The following FAM227A variants were observed in gnomAD, a reference collection of about 807,000 sequenced individuals.
The protein encoded by FAM227A is protein FAM227A.
Under a neutral mutation model 74.7 loss-of-function variants are expected in FAM227A, and 80 were observed. The observed-to-expected ratio is 1.07, with a 90% CI of 0.89 to 1.29. The LOEUF (loss-of-function observed/expected upper bound fraction) is 1.29. Among genes scored for constraint, FAM227A ranks in the 50% most tolerant of loss-of-function variants. The pLI is 0.00. For missense variants in FAM227A, 654 were observed against 683.4 expected, an observed-to-expected ratio of 0.96 and a Z score of 0.48; for synonymous variants, 237 against 241.8, an observed-to-expected ratio of 0.98 and a Z score of 0.19.
chr22:38,609,226 C>G (rs116756375), intron 11 of FAM227A, among the ~76,000 whole-genome samples: 1 of 152,188 alleles, frequency 6.6e-6, no homozygotes. Flanking sequence ...AACTGCCACA[C>G]GACACATCCA....
In FAM227A at chr22:38,585,369, C is replaced by T. The variant is rs1220556181; in HGVS notation, c.*756G>A. 1 of 152,090 alleles carries T rather than the reference C, an allele frequency of 6.6e-6. No individual in the cohort carries two copies. The highest frequency in any genetic ancestry group is 2.4e-5 in the African/African-American group (1 of 41,388). 9.4% of individuals were successfully genotyped at this position (152,090 alleles called of 1,614,324 possible). A position where few individuals can be genotyped will look rare whatever the true frequency, so the allele number is the denominator to read the frequency against. On this transcript the variant is annotated 3_prime_UTR_variant, in exon 17 of 17. Coordinates refer to ENST00000535113, the MANE Select transcript of FAM227A (RefSeq NM_001013647.2). ...GTTAAGAAGGCAGAAGCCTGGGAGT[C>T]ACACAGAAACACATTACAGATGTCA... is the stretch of plus-strand genomic sequence containing the variant.
At chr22:38,586,556 C>T (rs568104784) in intron 16 of FAM227A, among the ~76,000 whole-genome samples, 16 of 152,354 alleles carry the variant, frequency 1.1e-4, no homozygotes, top group Admixed American at 3.9e-4. Flanking sequence ...TGTCTATCTG[C>T]TTCACACCTC....
rs954900753 is a variant in FAM227A at position 38,607,437 on chromosome 22, C to A, written c.1078G>T (p.Ala360Ser). ...AAGCTTTTTTCTGAGTTCTGCTTGG[C>A]CGAAGAGGTTTTTTCACTGGGTGAA... ...ANSPSEKTSS[A>S]KQNSEKSLRM... The change falls in exon 12 of 17, where the codon GCC becomes TCC. Residue 360 changes from alanine to serine, a missense_variant. Coordinates refer to ENST00000535113, the MANE Select transcript of FAM227A (RefSeq NM_001013647.2). 1.9e-6 allele frequency: 3 copies of A among 1,551,170 alleles called. No individual in the cohort carries two copies. In the African/African-American group the frequency reaches 4.1e-5, roughly 21 times the overall value.
In FAM227A at chr22:38,629,060, T is replaced by C. The variant is rs997917472; in HGVS notation, c.520-125A>G. 3 of 613,828 alleles carry C rather than the reference T, an allele frequency of 4.9e-6. No homozygotes were observed. The African/African-American group carries it at 5.6e-5, about 11-fold the overall frequency. The allele number at this position is 613,828 out of a possible 1,614,324, so 38.0% of individuals were successfully genotyped here. ...TGTTAGTGAGGCCCTACCCAGGTAA[T>C]TTTACATACTCTCATTTAACCCCTA... On this transcript the variant is annotated intron_variant, in intron 6 of 16. Coordinates refer to ENST00000535113, the MANE Select transcript of FAM227A (RefSeq NM_001013647.2).
intron 6 of FAM227A, among the ~76,000 whole-genome samples, chr22:38,635,648 C>T (rs2091989001): frequency 6.6e-6 from 1 of 152,148 alleles, no homozygotes; most frequent in Non-Finnish European, 1.5e-5. Flanking sequence ...GAAGCATACT[C>T]ACCCCCAGAG....
chr22:38,634,666 C>G (rs1464587217), intron 6 of FAM227A, among the ~76,000 whole-genome samples: 1 of 152,188 alleles, frequency 6.6e-6, no homozygotes, highest in Non-Finnish European at 1.5e-5. Flanking sequence ...CATCTTTGTA[C>G]ACTGTCCTGT....
intron 8 of FAM227A, among the ~76,000 whole-genome samples, chr22:38,627,305 T>C (rs1308930596): frequency 2.6e-5 from 4 of 151,996 alleles, no homozygotes; most frequent in African/African-American, 7.2e-5. Flanking sequence ...CAGTGGCTCA[T>C]GCCTGTAATC....
intron 1 of FAM227A, among the ~76,000 whole-genome samples, chr22:38,650,683 G>C (rs1427275411): frequency 1.3e-5 from 2 of 152,126 alleles, no homozygotes; most frequent in Non-Finnish European, 2.9e-5. Flanking sequence ...CCGATGCTGT[G>C]ATTCTAGAAT....
rs1555966997 is a variant in FAM227A at position 38,626,891 on chromosome 22, AATATAT to A, written c.727-594_727-589del. Among the ~76,000 whole-genome samples, 121 of 57,686 alleles carry A rather than the reference AATATAT, an allele frequency of 2.1e-3. 3 individuals are homozygous for A. The highest frequency in any genetic ancestry group is 9.7e-3 in the African/African-American group (111 of 11,440). The allele number at this position is 57,686 out of a possible 152,430, so 37.8% of individuals were successfully genotyped here. ...AAAAAAAAAAAAAAAAAAAAAAAAA[AATATAT>A]ATATATATATATATATACACGTATA... On this transcript the variant is annotated intron_variant, in intron 8 of 16. Coordinates refer to ENST00000535113, the MANE Select transcript of FAM227A (RefSeq NM_001013647.2).
chr22:38,603,281 AG>A (rs1452451343), intron 13 of FAM227A, among the ~76,000 whole-genome samples: 1 of 152,016 alleles, frequency 6.6e-6, no homozygotes, highest in African/African-American at 2.4e-5. Flanking sequence ...TGAGGTTAGG[AG>A]TTTGAGACCC....
intron 13 of FAM227A, 147 bp from the exon 14 acceptor site, chr22:38,600,068 G>C: frequency 1.4e-6 from 1 of 719,314 alleles, no homozygotes; most frequent in Non-Finnish European, 2.2e-6. Context: ...TCAAAATAAA[G>C]CAAAAAAAGG....
intron 11 of FAM227A, among the ~76,000 whole-genome samples, chr22:38,608,155 CAAAAAAAA>C (rs35387385): frequency 5.2e-4 from 40 of 76,876 alleles, no homozygotes; most frequent in Admixed American, 9.2e-4. Context: ...CTTTTCTCTA[CAAAAAAAA>C]AAAAAAAAAA....
At chr22:38,646,782 T>G (rs1021962365) in intron 2 of FAM227A, among the ~76,000 whole-genome samples, 8 of 152,108 alleles carry the variant, frequency 5.3e-5, no homozygotes, top group Non-Finnish European at 1.0e-4. Flanking sequence ...CTAATCCATG[T>G]AGAAGATACA....
chr22:38,599,939 A>G lies in FAM227A; in HGVS notation c.1222-18T>C. The G allele has an allele frequency of 1.2e-5, 18 of 1,525,760 alleles. No individual in the cohort carries two copies. The highest frequency in any genetic ancestry group is 1.6e-5 in the Non-Finnish European group (18 of 1,136,546). The allele number at this position is 1,525,760 out of a possible 1,614,324, so 94.5% of individuals were successfully genotyped here. ...GCACACGACTAAGGATGAAAGAAAA[A>G]GGAAAAATAAAGGATATTGTCATTT... On this transcript the variant is annotated intron_variant, in intron 13 of 16. Coordinates refer to ENST00000535113, the MANE Select transcript of FAM227A (RefSeq NM_001013647.2).
intron 12 of FAM227A, among the ~76,000 whole-genome samples, chr22:38,606,117 G>A (rs959198746): frequency 3.3e-5 from 5 of 152,016 alleles, no homozygotes; most frequent in African/African-American, 1.2e-4. Flanking sequence ...GCCAACTAGG[G>A]ACAGCCCCTA....
At chr22:38,627,856 G>A (rs1180636613) in intron 8 of FAM227A, among the ~76,000 whole-genome samples, 2 of 151,966 alleles carry the variant, frequency 1.3e-5, no homozygotes, top group Non-Finnish European at 2.9e-5. Flanking sequence ...CGCCCGCCTT[G>A]GCCTCCCAAA....
intron 16 of FAM227A, among the ~76,000 whole-genome samples, chr22:38,589,047 T>C (rs796252955): frequency 5.9e-5 from 9 of 152,288 alleles, no homozygotes; most frequent in African/African-American, 2.2e-4. Flanking sequence ...AGACCTTTTT[T>C]GGAAATAGTC....
intron 5 of FAM227A, 131 bp from the exon 6 acceptor site, chr22:38,636,728 T>C (rs141918925): frequency 0.011 from 8,428 of 783,272 alleles, 69 homozygotes; most frequent in Non-Finnish European, 0.015. Context: ...GAGGGGTGTT[T>C]AGGATCCTAG....
intron 3 of FAM227A, among the ~76,000 whole-genome samples, chr22:38,640,284 C>T (rs1289867572): frequency 5.3e-5 from 8 of 152,142 alleles, no homozygotes; most frequent in Admixed American, 2.6e-4. Context: ...CTGCCCACCT[C>T]GGCCTCCCAA....
Sources: gnomAD v4.1 joint callset for allele counts (sites outside exome capture counted in the v4.1 genomes callset) on GRCh38, gnomAD v4.1.1 for gene constraint, MANE v1.5 for transcripts, NCBI Gene and HGNC (gene_info 2026-07-23, HGNC 2026-07-21) for gene names.